TIPIN: variants seen among roughly 807,000 people sequenced by gnomAD.
The protein encoded by TIPIN is TIMELESS interacting protein, also known as TIMELESS-interacting protein.
Under a neutral mutation model 35.6 loss-of-function variants are expected in TIPIN, and 29 were observed. The observed-to-expected ratio is 0.82, with a 90% confidence interval of 0.61 to 1.11. The LOEUF is 1.11. Among genes scored for constraint, TIPIN ranks in the 50% most tolerant of loss-of-function variants. The pLI is 0.00. For synonymous variants in TIPIN, 102 were observed against 121.5 expected (o/e 0.84, Z 1.06); for missense variants, 296 against 345.4 (o/e 0.86, Z 1.13).
At chr15:66,348,897 A>T (rs1186423686) in intron 6 of TIPIN, among the ~76,000 whole-genome samples, 163 bp downstream of exon 6, 1 of 152,176 alleles carries the variant, frequency 6.6e-6, no homozygotes, top group East Asian at 1.9e-4. Flanking sequence ...GTAAGCTATG[A>T]TTGTGCTACT....
At chr15:66,350,281 A>C (rs2093158283) in intron 4 of TIPIN, among the ~76,000 whole-genome samples, 1 of 151,956 alleles carries the variant, frequency 6.6e-6, no homozygotes. Context: ...GATTCATAAA[A>C]ATTAGATGAA....
In TIPIN at chr15:66,336,729, A is replaced by C; in HGVS notation, c.*229T>G. On this transcript the variant is annotated 3_prime_UTR_variant, in exon 8 of 8. Coordinates refer to ENST00000261881, the MANE Select transcript of TIPIN (RefSeq NM_017858.3). The stretch of plus-strand genomic sequence containing the variant: ...CAGCAGAAACTGCTTATTACCTCCT[A>C]ATCATTTTATGAAGAAATACCTATA... 2 of 470,286 alleles carry C rather than the reference A, an allele frequency of 4.3e-6. No individual in the cohort carries two copies. The highest frequency in any genetic ancestry group is 7.3e-5 in the East Asian group (2 of 27,326). The allele number at this position is 470,286 out of a possible 1,614,324, so 29.1% of individuals were successfully genotyped here.
chr15:66,348,986 T>C, intron 6 of TIPIN, 74 bp downstream of exon 6: 1 of 1,195,956 alleles, frequency 8.4e-7, no homozygotes, highest in Non-Finnish European at 1.2e-6. Context: ...ATTACAGGGT[T>C]GAGCCACCAC....
At chr15:66,346,557 G>A (rs1387227615) in intron 6 of TIPIN, among the ~76,000 whole-genome samples, 1 of 151,918 alleles carries the variant, frequency 6.6e-6, no homozygotes, top group Non-Finnish European at 1.5e-5. Context: ...CCACACTACT[G>A]GCAATGTTGT....
chr15:66,381,557 T>A (rs1056206902), intron 1 of TIPIN, among the ~76,000 whole-genome samples: 2 of 152,250 alleles, frequency 1.3e-5, no homozygotes, highest in Non-Finnish European at 1.5e-5. Context: ...CAGTATTTCA[T>A]CATATGGGTG....
intron 1 of TIPIN, among the ~76,000 whole-genome samples, chr15:66,377,866 A>G (rs1205337833): frequency 3.3e-5 from 5 of 150,962 alleles, no homozygotes; most frequent in Non-Finnish European, 7.4e-5. Flanking sequence ...TTTTTTCTTG[A>G]GACGGAGTCT....
At chr15:66,380,304 C>T (rs1021199904) in intron 1 of TIPIN, among the ~76,000 whole-genome samples, 4 of 151,864 alleles carry the variant, frequency 2.6e-5, no homozygotes. Flanking sequence ...TGCGCCCGGC[C>T]CCTACACCTT....
chr15:66,341,453 G>A, intron 6 of TIPIN, 97 bp from the exon 7 acceptor site: 2 of 1,032,214 alleles, frequency 1.9e-6, no homozygotes, highest in Admixed American at 5.5e-5. Flanking sequence ...TGACAGACCT[G>A]AAAAAACAAT....
intron 4 of TIPIN, 44 bp downstream of exon 4, chr15:66,351,481 G>C: frequency 1.4e-6 from 2 of 1,412,678 alleles, no homozygotes; most frequent in South Asian, 2.3e-5. Context: ...CATTTTTATT[G>C]CTATTTTAAA....
chr15:66,354,815 T>C (rs984621614), intron 1 of TIPIN, among the ~76,000 whole-genome samples: 1 of 152,212 alleles, frequency 6.6e-6, no homozygotes, highest in Non-Finnish European at 1.5e-5. Context: ...TTTACCTCAA[T>C]TTCTCTAAAT....
intron 6 of TIPIN, 139 bp downstream of exon 6, chr15:66,348,921 G>T (rs950487086): frequency 7.8e-5 from 52 of 665,268 alleles, no homozygotes; most frequent in African/African-American, 7.5e-4. Context: ...CTCCAGACTG[G>T]GTGACAGAGC....
rs555660017 is a variant in TIPIN, at chr15:66,372,083, C to G, written c.-9+14524G>C. ...GTGTTGGGATTACAGGCATAAGCCA[C>G]TGTGCCTAGTTGGTAATTGTTTTAC... is the stretch of plus-strand genomic sequence containing the variant. On this transcript the variant is annotated intron_variant, in intron 1 of 7. Transcript: ENST00000562124. Among the ~76,000 whole-genome samples, 7 of 152,344 alleles carry G rather than the reference C, an allele frequency of 4.6e-5. No homozygotes were observed. In the East Asian group the frequency reaches 1.4e-3, roughly 29 times the overall value.
In TIPIN at chr15:66,336,854, C is replaced by A; in HGVS notation, c.*104G>T. 2 of 843,088 alleles carry A rather than the reference C, an allele frequency of 2.4e-6. No homozygotes were observed. Among genetic ancestry groups the A allele is most frequent in the South Asian group, 1.7e-5 (1 of 57,414 alleles). The allele number at this position is 843,088 out of a possible 1,614,324, so 52.2% of individuals were successfully genotyped here. On this transcript the variant is annotated 3_prime_UTR_variant, in exon 8 of 8. Coordinates refer to ENST00000261881, the MANE Select transcript of TIPIN (RefSeq NM_017858.3). ...TCAGATTTTAAACAATAATCTATAA[C>A]AGTTTTACTATCTAAGGATTTTCAC...
chr15:66,341,404 G>A (rs778103026), intron 6 of TIPIN, 48 bp from the exon 7 acceptor site: 4 of 1,511,302 alleles, frequency 2.6e-6, no homozygotes, highest in South Asian at 2.4e-5. Flanking sequence ...ACTAGTTAGA[G>A]AAGGGCTTCT....
chr15:66,380,824 A>T (rs993581355), intron 1 of TIPIN, among the ~76,000 whole-genome samples: 3 of 152,054 alleles, frequency 2.0e-5, no homozygotes, highest in African/African-American at 4.8e-5. Flanking sequence ...GGAAAAAATT[A>T]AAAAAATAGA....
intron 4 of TIPIN, 54 bp from the exon 5 acceptor site, chr15:66,349,491 C>A: frequency 6.4e-7 from 1 of 1,567,534 alleles, no homozygotes; most frequent in South Asian, 1.2e-5. Context: ...ACAGCTGACC[C>A]CGTCAGCAAC....
At chr15:66,345,916 G>T (rs1015494533) in intron 6 of TIPIN, among the ~76,000 whole-genome samples, 20 of 151,258 alleles carry the variant, frequency 1.3e-4, no homozygotes, top group Non-Finnish European at 2.7e-4. Context: ...CAGCATGCTT[G>T]TAATTCTCTG....
At chr15:66,344,580 G>T (rs1476314953) in intron 6 of TIPIN, among the ~76,000 whole-genome samples, 1 of 151,658 alleles carries the variant, frequency 6.6e-6, no homozygotes, top group Non-Finnish European at 1.5e-5. Flanking sequence ...GCTGGGTGCA[G>T]CAGCTCACGC....
intron 1 of TIPIN, among the ~76,000 whole-genome samples, chr15:66,380,729 T>C (rs2093315850): frequency 6.6e-6 from 1 of 151,994 alleles, no homozygotes; most frequent in African/African-American, 2.4e-5. Context: ...GCAGGCAAAT[T>C]GCTTGAACCT....
Sources: allele counts gnomAD v4.1 joint callset (sites outside exome capture counted in the v4.1 genomes callset), GRCh38; gene constraint gnomAD v4.1.1; transcripts MANE v1.5; gene names NCBI Gene and HGNC (gene_info 2026-07-23, HGNC 2026-07-21).